The following CADM2 variants were observed in gnomAD, a reference collection of about 807,000 sequenced individuals.
The protein encoded by CADM2 is immunoglobulin superfamily member 4D.
A neutral mutation model predicts 49.8 loss-of-function variants in CADM2; 12 were observed. The ratio of observed to expected loss-of-function variants is 0.24; its 90% confidence interval spans 0.15 to 0.39. The LOEUF (loss-of-function observed/expected upper bound fraction) is 0.39. Ranked by LOEUF, CADM2 falls within the 10% of genes least tolerant of loss-of-function variation. The pLI is 1.00. For missense variants in CADM2, 378 were observed against 492.3 expected, an observed-to-expected ratio of 0.77 and a Z score of 2.20; for synonymous variants, 214 against 175.4, an observed-to-expected ratio of 1.22 and a Z score of -1.74.
chr3:85,011,994 A>T (rs1030893470), intron 1 of CADM2, among the ~76,000 whole-genome samples: 3 of 152,148 alleles, frequency 2.0e-5, no homozygotes. Flanking sequence ...CTAAATTATG[A>T]CTAAACTACC....
At chr3:85,559,785 G>C (rs1430015409) in intron 1 of CADM2, among the ~76,000 whole-genome samples, 1 of 151,868 alleles carries the variant, frequency 6.6e-6, no homozygotes, top group Non-Finnish European at 1.5e-5. Context: ...CTGAAAACAA[G>C]CCAAGATTTA....
At chr3:85,312,536 G>A (rs2044370903) in intron 1 of CADM2, among the ~76,000 whole-genome samples, 1 of 152,014 alleles carries the variant, frequency 6.6e-6, no homozygotes, top group African/African-American at 2.4e-5. Flanking sequence ...TTATCCATAG[G>A]AATGCATTTC....
At chr3:85,747,904 G>C (rs1043261652) in intron 2 of CADM2, among the ~76,000 whole-genome samples, 7 of 152,062 alleles carry the variant, frequency 4.6e-5, no homozygotes, top group Admixed American at 2.6e-4. Flanking sequence ...TGTATGGAAA[G>C]GAGAACTAGA....
At chr3:85,989,405 A>G (rs577978710) in intron 8 of CADM2, among the ~76,000 whole-genome samples, 1 of 152,286 alleles carries the variant, frequency 6.6e-6, no homozygotes, top group East Asian at 1.9e-4. Flanking sequence ...CAGTATCAGA[A>G]CCTCAAGAAA....
intron 4 of CADM2, among the ~76,000 whole-genome samples, chr3:85,884,434 G>A (rs1443363129): frequency 6.6e-6 from 1 of 152,094 alleles, no homozygotes; most frequent in Non-Finnish European, 1.5e-5. Context: ...ATCTTCACAA[G>A]TTTGCCATTA....
chr3:86,062,668 G>A (rs1014106116), intron 8 of CADM2, among the ~76,000 whole-genome samples: 1 of 152,080 alleles, frequency 6.6e-6, no homozygotes, highest in Non-Finnish European at 1.5e-5. Context: ...CGGGGCACCT[G>A]TAATCCCAGC....
In CADM2 at chr3:85,443,342, C is replaced by T. The variant is rs2037297515; in HGVS notation, c.62-283180C>T. On this transcript the variant is annotated intron_variant, in intron 1 of 9. Transcript: ENST00000383699. ...AAATTATAAGGAGACAATATATACT[C>T]ATACTCATCAAACCAATACTTCAAT... Among the ~76,000 whole-genome samples the T allele has an allele frequency of 2.0e-5, 3 of 152,242 alleles. No homozygotes were observed. In the Middle Eastern group the frequency reaches 0.01, roughly 518 times the overall value.
At position 85,380,410 on chromosome 3, in the gene CADM2, A is replaced by G. The variant is rs552378152; in HGVS notation, c.62-346112A>G. Reference sequence around the variant, plus strand: ...GGGACTCAGAATAACAGTGTCTAGCATTTTAACACAATCTTAGAGTGTAGA... The same window carrying G: ...GGGACTCAGAATAACAGTGTCTAGCGTTTTAACACAATCTTAGAGTGTAGA... On this transcript the variant is annotated intron_variant, in intron 1 of 9. Coordinates refer to ENST00000383699, the MANE Select transcript of CADM2 (RefSeq NM_001167675.2). Among the ~76,000 whole-genome samples, 11 of 152,102 alleles carry G rather than the reference A, an allele frequency of 7.2e-5. 1 individual carries two copies. The highest frequency in any genetic ancestry group is 2.6e-4 in the African/African-American group (11 of 41,554).
chr3:85,609,508 T>C (rs1397301153), intron 1 of CADM2, among the ~76,000 whole-genome samples: 1 of 152,064 alleles, frequency 6.6e-6, no homozygotes, highest in African/African-American at 2.4e-5. Context: ...TCTAAATTCT[T>C]ACGGAAACTA....
chr3:85,385,555 A>ATAAC (rs2034172550), intron 1 of CADM2, among the ~76,000 whole-genome samples: 1 of 152,174 alleles, frequency 6.6e-6, no homozygotes, highest in African/African-American at 2.4e-5. Flanking sequence ...TATCAAATAA[A>ATAAC]TAATAGCACA....
intron 3 of CADM2, among the ~76,000 whole-genome samples, chr3:85,842,419 A>G (rs1577451895): frequency 6.6e-6 from 1 of 152,130 alleles, no homozygotes; most frequent in African/African-American, 2.4e-5. Context: ...GCCATTTCAG[A>G]CCAGGACAGC....
At chr3:85,210,525 T>C (rs2041751664) in intron 1 of CADM2, among the ~76,000 whole-genome samples, 1 of 152,110 alleles carries the variant, frequency 6.6e-6, no homozygotes, top group African/African-American at 2.4e-5. Context: ...TCTCTTTTCC[T>C]CTATTTTTGG....
At position 85,346,605 on chromosome 3, in the gene CADM2, G is replaced by C. The variant is rs544959590; in HGVS notation, c.62-379917G>C. Among the ~76,000 whole-genome samples, 15 of 152,238 alleles carry C rather than the reference G, an allele frequency of 9.9e-5. No individual in the cohort carries two copies. In the East Asian group the frequency reaches 2.5e-3, roughly 25 times the overall value. On this transcript the variant is annotated intron_variant, in intron 1 of 9. Transcript: ENST00000383699. Reference sequence around the variant, plus strand: ...AGGCATTTAATTTTGGAAAAAGAAAGCACGTACACATTGATGTTTGTGATC... The same window carrying C: ...AGGCATTTAATTTTGGAAAAAGAAACCACGTACACATTGATGTTTGTGATC...
At chr3:85,178,485 C>G (rs1399532740) in intron 1 of CADM2, among the ~76,000 whole-genome samples, 1 of 151,758 alleles carries the variant, frequency 6.6e-6, no homozygotes, top group Non-Finnish European at 1.5e-5. Context: ...GTACACTGTA[C>G]TGTTTGTAAA....
intron 1 of CADM2, among the ~76,000 whole-genome samples, chr3:85,684,037 G>A (rs377391527): frequency 8.5e-5 from 13 of 152,166 alleles, no homozygotes; most frequent in Non-Finnish European, 1.9e-4. Context: ...CAAAAGTGGT[G>A]TATGTTCCCA....
intron 3 of CADM2, among the ~76,000 whole-genome samples, chr3:85,816,452 A>G (rs1007385440): frequency 4.6e-5 from 7 of 152,124 alleles, no homozygotes; most frequent in Admixed American, 4.6e-4. Context: ...TATAATCTAC[A>G]ATGTACAGTC....
At chr3:85,908,732 T>C (rs1451324762) in intron 5 of CADM2, among the ~76,000 whole-genome samples, 1 of 151,658 alleles carries the variant, frequency 6.6e-6, no homozygotes, top group East Asian at 1.9e-4. Context: ...GTTATGATTT[T>C]TTTTTTTTTT....
At chr3:85,454,316 G>GT (rs2037891045) in intron 1 of CADM2, among the ~76,000 whole-genome samples, 1 of 152,030 alleles carries the variant, frequency 6.6e-6, no homozygotes, top group Non-Finnish European at 1.5e-5. Flanking sequence ...GGGCAACAGA[G>GT]TGAGACTCAG....
At chr3:85,908,969 C>A (rs1255981143) in intron 5 of CADM2, among the ~76,000 whole-genome samples, 1 of 152,134 alleles carries the variant, frequency 6.6e-6, no homozygotes, top group Non-Finnish European at 1.5e-5. Flanking sequence ...CGTGATCCTC[C>A]CACCTCGGCC....
Sources: gnomAD v4.1 joint callset for allele counts (sites outside exome capture counted in the v4.1 genomes callset) on GRCh38, gnomAD v4.1.1 for gene constraint, MANE v1.5 for transcripts, NCBI Gene and HGNC (gene_info 2026-07-23, HGNC 2026-07-21) for gene names.